PRMT8: variants seen among roughly 807,000 people sequenced by gnomAD.
The protein encoded by PRMT8 is protein arginine methyltransferase 8.
PRMT8 carries 7 observed loss-of-function variants against 47.1 expected under a neutral mutation model. The observed-to-expected ratio is 0.15, with a 90% CI of 0.08 to 0.28. PRMT8 has a LOEUF of 0.28. PRMT8 is among the 10% of genes least tolerant of loss of function. PRMT8 has a pLI of 1.00. For missense variants in PRMT8, 237 were observed against 505.4 expected, an observed-to-expected ratio of 0.47 and a Z score of 5.09; for synonymous variants, 188 against 186.5, an observed-to-expected ratio of 1.01 and a Z score of -0.07.
intron 1 of PRMT8, among the ~76,000 whole-genome samples, chr12:3,454,732 G>A (rs764133149): frequency 2.0e-5 from 3 of 152,176 alleles, no homozygotes; most frequent in South Asian, 2.1e-4. Context: ...CGTGTTCACC[G>A]CGGGTCGGCC....
At position 3,572,281 on chromosome 12, in the gene PRMT8, G is replaced by A. The variant is rs1191416209; in HGVS notation, c.712+2717G>A. 2.0e-5 allele frequency among the ~76,000 whole-genome samples: 3 copies of A among 152,226 alleles called. No individual in the cohort carries two copies. The highest frequency in any genetic ancestry group is 2.9e-5 in the Non-Finnish European group (2 of 68,046). ...AGGAAGGAAAGTGAACCAGCAGAGG[G>A]ATGTGCAAGGTGTAGTATTTAACTC... On this transcript the variant is annotated intron_variant, in intron 6 of 9. Coordinates refer to ENST00000382622, the MANE Select transcript of PRMT8 (RefSeq NM_019854.5). The surrounding 1 kb of genome is among the most constrained non-coding windows in gnomAD (Gnocchi z 5.9).
chr12:3,516,823 G>A (rs887091284), intron 1 of PRMT8, among the ~76,000 whole-genome samples: 1 of 151,564 alleles, frequency 6.6e-6, no homozygotes, highest in Non-Finnish European at 1.5e-5. Flanking sequence ...CCTTAGTTGC[G>A]CTCATCCAAA....
rs376198853 is a variant in PRMT8, at chr12:3,397,601, C to G, written c.48+16159C>G. ...CTCCAGCTGCGTGCTGGGAGAACCA[C>G]TGCTCTCTTCAAAGCTGTCAGACAG... On this transcript the variant is annotated intron_variant, in intron 1 of 9. Transcript: ENST00000452611. Among the ~76,000 whole-genome samples, 436 of 151,858 alleles carry G rather than the reference C, an allele frequency of 2.9e-3. 3 individuals are homozygous for G. Among genetic ancestry groups the G allele is most frequent in the East Asian group, 0.027 (138 of 5,124 alleles).
At chr12:3,530,793 G>A (rs1171065721) in intron 1 of PRMT8, among the ~76,000 whole-genome samples, 2 of 152,316 alleles carry the variant, frequency 1.3e-5, no homozygotes, top group South Asian at 2.1e-4. Flanking sequence ...AGAGTCATAC[G>A]GCGAGAGCGG....
rs911304529 is a variant in PRMT8 at position 3,576,350 on chromosome 12, T to A, written c.713-521T>A. Among the ~76,000 whole-genome samples, 8 of 152,166 alleles carry A rather than the reference T, an allele frequency of 5.3e-5. No individual in the cohort carries two copies. The highest frequency in any genetic ancestry group is 1.9e-4 in the African/African-American group (8 of 41,432). On this transcript the variant is annotated intron_variant, in intron 6 of 9. Transcript: ENST00000382622. This position sits in a 1 kb window ranked among gnomAD's most constrained non-coding sequence, Gnocchi z 4.0. ...GTGGTGCTGGAATTTAAACTGTAGTTGATTTCACGTTAAAAGCCCATGATT... is the reference window on the plus strand; with the variant it reads ...GTGGTGCTGGAATTTAAACTGTAGTAGATTTCACGTTAAAAGCCCATGATT...
chr12:3,578,397 T>G (rs1033127457), intron 7 of PRMT8, among the ~76,000 whole-genome samples: 1 of 152,104 alleles, frequency 6.6e-6, no homozygotes, highest in Admixed American at 6.6e-5. Context: ...GCTAATTTTT[T>G]TTTTTTTGTA....
Position 3,493,561 on chromosome 12 carries a change from G to GGTGCAGACCCCTGCCAGGTTCCGCAGT in PRMT8, c.75+1868_75+1894dup, listed in dbSNP as rs1206389962. Among the ~76,000 whole-genome samples, 72 of 152,310 alleles carry GGTGCAGACCCCTGCCAGGTTCCGCAGT rather than the reference G, an allele frequency of 4.7e-4. No individual in the cohort carries two copies. The highest frequency in any genetic ancestry group is 1.5e-3 in the African/African-American group (64 of 41,574). On this transcript the variant is annotated intron_variant, in intron 1 of 9. Coordinates refer to ENST00000382622, the MANE Select transcript of PRMT8 (RefSeq NM_019854.5). This position sits in a 1 kb window ranked among gnomAD's most constrained non-coding sequence, Gnocchi z 8.2. ...TACCCCCGCTGCCGCGCGGGGTCTG[G>GGTGCAGACCCCTGCCAGGTTCCGCAGT]GTGCAGACCCCTGCCAGGTTCCGCA...
chr12:3,397,401 C>T (rs1167844541), intron 1 of PRMT8, among the ~76,000 whole-genome samples: 2 of 151,426 alleles, frequency 1.3e-5, no homozygotes, highest in Non-Finnish European at 2.9e-5. Flanking sequence ...TGTGGATGTC[C>T]TTTCTGTTTG....
At chr12:3,516,444 C>G (rs577878633) in intron 1 of PRMT8, among the ~76,000 whole-genome samples, 8 of 152,296 alleles carry the variant, frequency 5.3e-5, no homozygotes, top group African/African-American at 1.9e-4. Flanking sequence ...ACAGAGGAGC[C>G]TGATGCTGCC....
chr12:3,455,331 G>T (rs1864962890), intron 1 of PRMT8, among the ~76,000 whole-genome samples: 1 of 152,190 alleles, frequency 6.6e-6, no homozygotes, highest in South Asian at 2.1e-4. Flanking sequence ...TGGAAGTGGA[G>T]GATGAGGGTG....
At chr12:3,540,844 G>T (rs922334283) in intron 2 of PRMT8, 53 bp downstream of exon 2, 2 of 1,551,694 alleles carry the variant, frequency 1.3e-6, no homozygotes, top group Non-Finnish European at 1.8e-6. Context: ...CTGCTGTTCT[G>T]TTGTTTTCAG....
At chr12:3,531,911 T>G (rs1234788659) in intron 1 of PRMT8, among the ~76,000 whole-genome samples, 1 of 152,170 alleles carries the variant, frequency 6.6e-6, no homozygotes, top group Non-Finnish European at 1.5e-5. Flanking sequence ...ATCTGAGAGC[T>G]ATGGCAGAGC....
chr12:3,532,937 C>T (rs1384308937), intron 1 of PRMT8, among the ~76,000 whole-genome samples: 1 of 152,136 alleles, frequency 6.6e-6, no homozygotes, highest in Non-Finnish European at 1.5e-5. Context: ...CTGGCTCAGC[C>T]GAGGGTCCTG....
chr12:3,522,008 T>A (rs1484411294), intron 1 of PRMT8, among the ~76,000 whole-genome samples: 2 of 152,176 alleles, frequency 1.3e-5, no homozygotes, highest in Non-Finnish European at 2.9e-5. Flanking sequence ...GCATCCCTCT[T>A]CCTTTGAAAA....
At chr12:3,526,321 C>T (rs1865949240) in intron 1 of PRMT8, among the ~76,000 whole-genome samples, 3 of 152,176 alleles carry the variant, frequency 2.0e-5, no homozygotes, top group African/African-American at 7.2e-5. Context: ...GCTATGTGAA[C>T]GTGGGTGTAC....
At chr12:3,532,506 G>A (rs58671534) in intron 1 of PRMT8, among the ~76,000 whole-genome samples, 1 of 148,076 alleles carries the variant, frequency 6.8e-6, no homozygotes, top group African/African-American at 2.5e-5. Flanking sequence ...CAGCTACTTG[G>A]GAGGCTAAGG....
At chr12:3,526,182 A>T (rs2137147647) in intron 1 of PRMT8, among the ~76,000 whole-genome samples, 1 of 152,202 alleles carries the variant, frequency 6.6e-6, no homozygotes, top group South Asian at 2.1e-4. Context: ...ATTCATTTGT[A>T]GCATATGTCA....
chr12:3,451,308 G>A (rs370979480), intron 1 of PRMT8, among the ~76,000 whole-genome samples: 37 of 152,164 alleles, frequency 2.4e-4, no homozygotes, highest in African/African-American at 7.7e-4. Context: ...CCCAGAAAGC[G>A]GGAGTGACAC....
intron 4 of PRMT8, among the ~76,000 whole-genome samples, chr12:3,567,410 A>G (rs541126558): frequency 1.3e-5 from 2 of 152,302 alleles, no homozygotes; most frequent in East Asian, 1.9e-4. Context: ...CTCCCTCACA[A>G]ACACTAGAAG....
Sources: allele counts gnomAD v4.1 joint callset (sites outside exome capture counted in the v4.1 genomes callset), GRCh38; gene constraint gnomAD v4.1.1; non-coding constraint Gnocchi (gnomAD v3.1); transcripts MANE v1.5; gene names NCBI Gene and HGNC (gene_info 2026-07-23, HGNC 2026-07-21).